Variants in SEC14L5 observed in about 807,000 individuals in gnomAD.
SEC14L5 encodes the protein SEC14 like lipid binding 5, also known as SEC14-like protein 5.
A neutral mutation model predicts 84.6 loss-of-function variants in SEC14L5; 96 were observed. That is an observed-to-expected ratio of 1.13 (90% CI 0.96 to 1.34). The LOEUF (loss-of-function observed/expected upper bound fraction) is 1.34, where lower values mean the gene tolerates loss of function less well. Among genes scored for constraint, SEC14L5 ranks in the 40% most tolerant of loss-of-function variants. SEC14L5 has a pLI of 0.00. For synonymous variants in SEC14L5, 546 were observed against 383.4 expected, an observed-to-expected ratio of 1.42 and a Z score of -4.95; for missense variants, 1,224 against 942.5, an observed-to-expected ratio of 1.30 and a Z score of -3.91.
intron 10 of SEC14L5, 45 bp from the exon 11 acceptor site, chr16:5,003,357 G>T: frequency 1.3e-6 from 2 of 1,536,068 alleles, no homozygotes; most frequent in South Asian, 1.1e-5. Context: ...TGGTGGCCTT[G>T]GGAGGCAGCA....
intron 2 of SEC14L5, among the ~76,000 whole-genome samples, chr16:4,968,003 C>G (rs1955227534): frequency 7.7e-6 from 1 of 130,138 alleles, no homozygotes; most frequent in Non-Finnish European, 1.6e-5. Context: ...TTCCCTTTCT[C>G]CCTCTCTATT....
chr16:5,014,406 G>A (rs1018376849), intron 15 of SEC14L5, among the ~76,000 whole-genome samples: 5 of 152,238 alleles, frequency 3.3e-5, no homozygotes, highest in Admixed American at 1.3e-4. Context: ...GAAAGTTCTC[G>A]AGGATGGCGC....
At chr16:4,961,347 C>T (rs1955118903) in intron 2 of SEC14L5, among the ~76,000 whole-genome samples, 1 of 152,104 alleles carries the variant, frequency 6.6e-6, no homozygotes, top group African/African-American at 2.4e-5. Context: ...TTACTTTTTC[C>T]AGACTGAGTC....
intron 2 of SEC14L5, among the ~76,000 whole-genome samples, chr16:4,974,498 T>C (rs1250768107): frequency 6.6e-6 from 1 of 152,146 alleles, no homozygotes; most frequent in African/African-American, 2.4e-5. Context: ...CCACCGTGCC[T>C]GGCCTGACCT....
At chr16:4,988,122 T>G in intron 3 of SEC14L5, 27 bp from the exon 4 acceptor site, 3 of 1,031,028 alleles carry the variant, frequency 2.9e-6, no homozygotes, top group Non-Finnish European at 4.3e-6. Flanking sequence ...CCCACCCACC[T>G]CCGCCTCCCC....
chr16:5,008,838 C>G (rs916374904), intron 14 of SEC14L5, among the ~76,000 whole-genome samples, 190 bp downstream of exon 14: 4 of 152,200 alleles, frequency 2.6e-5, no homozygotes, highest in Admixed American at 6.5e-5. Flanking sequence ...CCAATGGCAG[C>G]CGGTGCAAAA....
At chr16:4,990,412 C>T (rs1955540204) in intron 4 of SEC14L5, among the ~76,000 whole-genome samples, 1 of 152,242 alleles carries the variant, frequency 6.6e-6, no homozygotes, top group Admixed American at 6.5e-5. Flanking sequence ...ATTCGCCCAC[C>T]TTGGGCTCCC....
intron 2 of SEC14L5, among the ~76,000 whole-genome samples, chr16:4,971,221 C>G (rs1955275298): frequency 6.6e-6 from 1 of 152,154 alleles, no homozygotes; most frequent in Non-Finnish European, 1.5e-5. Context: ...CTTTGGAATG[C>G]TAAGGCAAGA....
intron 2 of SEC14L5, among the ~76,000 whole-genome samples, chr16:4,985,351 G>C (rs977425370): frequency 2.2e-4 from 33 of 152,074 alleles, no homozygotes; most frequent in Admixed American, 2.6e-4. Context: ...TCAGCCTCCT[G>C]AGTAGCTGGG....
At chr16:5,001,193 G>C (rs1955672800) in intron 10 of SEC14L5, among the ~76,000 whole-genome samples, 1 of 151,884 alleles carries the variant, frequency 6.6e-6, no homozygotes, top group Non-Finnish European at 1.5e-5. Context: ...GGTCCTGTCT[G>C]GCTTCTAGCT....
At chr16:5,013,259 GA>G (rs1485441217) in intron 15 of SEC14L5, among the ~76,000 whole-genome samples, 1 of 152,190 alleles carries the variant, frequency 6.6e-6, no homozygotes, top group African/African-American at 2.4e-5. Flanking sequence ...ACGTAACCTA[GA>G]GCCTTGCCAG....
rs780107464 is a variant in SEC14L5 at position 4,991,823 on chromosome 16, C to G, written c.475-15C>G. ...TGCCCCGTGCTCATGTGTCTTGGGT[C>G]TCTCTGGCTTCCAGGGGAAGGAGGT... On this transcript the variant is annotated splice_polypyrimidine_tract_variant and intron_variant, in intron 5 of 15. Transcript: ENST00000251170. The G allele has an allele frequency of 5.7e-6, 9 of 1,582,720 alleles. No homozygotes were observed. The African/African-American group carries it at 1.1e-4, about 19-fold the overall frequency.
rs76238846 is a variant in SEC14L5 at position 5,006,640 on chromosome 16, A to G, written c.1437+592A>G. On this transcript the variant is annotated intron_variant, in intron 12 of 15. Transcript: ENST00000251170. ...CCTCTTTGTTTCTAACAGAAATACC[A>G]GACAGTGAGCTTGCGTCATTTCTGG... is the stretch of plus-strand genomic sequence containing the variant. Among the ~76,000 whole-genome samples, 545 of 152,312 alleles carry G rather than the reference A, an allele frequency of 3.6e-3. 1 individual carries two copies. Among genetic ancestry groups the G allele is most frequent in the African/African-American group, 0.013 (524 of 41,568 alleles).
At chr16:4,982,405 C>A (rs1037254241) in intron 2 of SEC14L5, among the ~76,000 whole-genome samples, 6 of 152,224 alleles carry the variant, frequency 3.9e-5, no homozygotes, top group African/African-American at 1.4e-4. Context: ...ACGCCCCCAC[C>A]ACCCTGACCC....
intron 2 of SEC14L5, among the ~76,000 whole-genome samples, chr16:4,970,219 A>G (rs9935148): frequency 0.41 from 61,814 of 151,968 alleles, 13,091 homozygotes; most frequent in Non-Finnish European, 0.47. Context: ...TCATGGGGAA[A>G]AACAGGGCAT....
intron 5 of SEC14L5, among the ~76,000 whole-genome samples, chr16:4,991,112 T>C (rs1447743144): frequency 5.3e-5 from 8 of 151,116 alleles, no homozygotes; most frequent in African/African-American, 1.9e-4. Context: ...CACCATGAGA[T>C]GTCCAGGCTT....
chr16:5,000,072 C>G (rs1395875921), intron 8 of SEC14L5, among the ~76,000 whole-genome samples: 1 of 152,042 alleles, frequency 6.6e-6, no homozygotes, highest in Non-Finnish European at 1.5e-5. Context: ...TGGGTGTACA[C>G]CTGAGGTCAG....
intron 12 of SEC14L5, among the ~76,000 whole-genome samples, chr16:5,006,572 G>A (rs947583899): frequency 3.3e-5 from 5 of 152,156 alleles, no homozygotes; most frequent in African/African-American, 4.8e-5. Flanking sequence ...GGTGATCCTA[G>A]GTCACAACTC....
intron 10 of SEC14L5, among the ~76,000 whole-genome samples, chr16:5,002,654 G>C (rs1596639559): frequency 6.6e-6 from 1 of 152,176 alleles, no homozygotes; most frequent in South Asian, 2.1e-4. Context: ...GGTGTGTGCA[G>C]GTTTAAGCGA....
Sources: gnomAD v4.1 joint callset for allele counts (sites outside exome capture counted in the v4.1 genomes callset) on GRCh38, gnomAD v4.1.1 for gene constraint, MANE v1.5 for transcripts, NCBI Gene and HGNC (gene_info 2026-07-23, HGNC 2026-07-21) for gene names.